The following CCNG2 variants were observed in gnomAD, a reference collection of about 807,000 sequenced individuals.
CCNG2 encodes cyclin G2, also known as cyclin-G2.
In CCNG2, 20 loss-of-function variants were observed where a neutral mutation model predicts 36.5. The ratio of observed to expected loss-of-function variants is 0.55; its 90% CI spans 0.39 to 0.80. CCNG2 has a LOEUF of 0.80. Among genes scored for constraint, CCNG2 ranks in the 30% least tolerant of loss-of-function variants. The pLI is 0.00. For synonymous variants in CCNG2, 155 were observed against 140.1 expected (o/e 1.11, Z -0.75); for missense variants, 358 against 390.8 (o/e 0.92, Z 0.71).
intron 6 of CCNG2, among the ~76,000 whole-genome samples, chr4:77,162,067 C>A (rs951253319): frequency 2.6e-5 from 4 of 152,162 alleles, no homozygotes; most frequent in African/African-American, 9.7e-5. Context: ...AGACTCAGAA[C>A]AAACACTAAT....
chr4:77,159,621 A>C (rs1437308258), intron 3 of CCNG2, 117 bp downstream of exon 3: 2 of 924,846 alleles, frequency 2.2e-6, no homozygotes, highest in Non-Finnish European at 3.1e-6. Flanking sequence ...ATAAAAATTT[A>C]TAATCAGAAT....
chr4:77,166,762 AT>A lies in CCNG2; in HGVS notation c.*839del, dbSNP rs1731643476. On this transcript the variant is annotated 3_prime_UTR_variant, in exon 8 of 8. Coordinates refer to ENST00000316355, the MANE Select transcript of CCNG2 (RefSeq NM_004354.3). ...TTATCGCATTTTCTTATATTAAAAA[AT>A]GTCTGCATGATTACATTTTATTTCC... 6.6e-6 allele frequency: 1 copy of A among 152,234 alleles called. No homozygotes were observed. The allele number at this position is 152,234 out of a possible 1,614,324, so 9.4% of individuals were successfully genotyped here. A position where few individuals can be genotyped will look rare whatever the true frequency, so the allele number is the denominator to read the frequency against.
At chr4:77,162,940 G>A (rs2109920292) in intron 6 of CCNG2, among the ~76,000 whole-genome samples, 1 of 152,040 alleles carries the variant, frequency 6.6e-6, no homozygotes, top group African/African-American at 2.4e-5. Flanking sequence ...TGGAAATGAG[G>A]CAAGGAGTCT....
chr4:77,158,741 G>C, intron 2 of CCNG2, 71 bp downstream of exon 2: 1 of 1,535,446 alleles, frequency 6.5e-7, no homozygotes, highest in East Asian at 2.3e-5. Flanking sequence ...CCCCGCCCCC[G>C]TTGAATCATG....
chr4:77,160,783 TGAA>T lies in CCNG2; in HGVS notation c.345_347del (p.Glu115del), dbSNP rs749760461. On this transcript the variant is annotated inframe_deletion, in exon 4 of 8. Transcript: ENST00000316355. ...CTTTTTTGCTGGCTGCTAGAATAGT[TGAA>T]GAAGACTGCAATATTCCATCCACTC... The T allele has an allele frequency of 1.2e-6, 2 of 1,614,008 alleles. No individual in the cohort carries two copies. Among genetic ancestry groups the T allele is most frequent in the Non-Finnish European group, 1.7e-6 (2 of 1,179,916 alleles).
At chr4:77,164,759 T>C (rs1731585069) in intron 7 of CCNG2, 2 of 245,986 alleles carry the variant, frequency 8.1e-6, no homozygotes, top group African/African-American at 4.5e-5. Context: ...TGGTCTTACA[T>C]ACTCCCAGGC....
chr4:77,157,216 A>T lies in CCNG2; in HGVS notation c.-291A>T, dbSNP rs1731276449. 6.6e-6 allele frequency: 1 copy of T among 152,204 alleles called. No individual in the cohort carries two copies. Among genetic ancestry groups the T allele is most frequent in the African/African-American group, 2.4e-5 (1 of 41,448 alleles). 9.4% of individuals were successfully genotyped at this position (152,204 alleles called of 1,614,324 possible). A position where few individuals can be genotyped will look rare whatever the true frequency, so the allele number is the denominator to read the frequency against. ...CCTTGGGGGCGTCGAAACTCTTAACAAAAACAAGGGGCTCGGGGAGGTTTC... is the reference window on the plus strand; with the variant it reads ...CCTTGGGGGCGTCGAAACTCTTAACTAAAACAAGGGGCTCGGGGAGGTTTC... On this transcript the variant is annotated 5_prime_UTR_variant, in exon 1 of 8. Transcript: ENST00000316355.
At chr4:77,163,144 A>G (rs1474815609) in intron 6 of CCNG2, among the ~76,000 whole-genome samples, 2 of 152,178 alleles carry the variant, frequency 1.3e-5, no homozygotes, top group Admixed American at 1.3e-4. Flanking sequence ...GGAATTTCTC[A>G]TGAAGAAGCA....
At chr4:77,160,263 A>G (rs1731392025) in intron 3 of CCNG2, among the ~76,000 whole-genome samples, 1 of 152,214 alleles carries the variant, frequency 6.6e-6, no homozygotes, top group Non-Finnish European at 1.5e-5. Context: ...AGTCTGAAAT[A>G]CAAATTATAC....
chr4:77,160,655 A>C, intron 3 of CCNG2, 66 bp from the exon 4 acceptor site: 2 of 1,498,346 alleles, frequency 1.3e-6, no homozygotes, highest in South Asian at 2.5e-5. Context: ...GCATCATTAC[A>C]ATATTCTAAG....
rs1467145291 is a variant in CCNG2, at chr4:77,158,374, G to T, written c.1-159G>T. 4 of 665,842 alleles carry T rather than the reference G, an allele frequency of 6.0e-6. No homozygotes were observed. The East Asian group carries it at 8.1e-5, about 13-fold the overall frequency. 41.2% of individuals were successfully genotyped at this position (665,842 alleles called of 1,614,324 possible). ...CACCTCCCTGGCCGTGGTGGGGATT[G>T]CCCTGGGGCTCTGGCGGACGTGACT... On this transcript the variant is annotated intron_variant, in intron 1 of 7. Coordinates refer to ENST00000316355, the MANE Select transcript of CCNG2 (RefSeq NM_004354.3).
At position 77,168,127 on chromosome 4, in the gene CCNG2, C is replaced by G. The variant is rs1213224554; in HGVS notation, c.*2203C>G. 2 of 152,208 alleles carry G rather than the reference C, an allele frequency of 1.3e-5. No individual in the cohort carries two copies. Among genetic ancestry groups the G allele is most frequent in the Non-Finnish European group, 2.9e-5 (2 of 68,046 alleles). The allele number at this position is 152,208 out of a possible 1,614,324, so 9.4% of individuals were successfully genotyped here. ...TGCCACTTGGAGGTTTCTGATTACT[C>G]CCAAACCTGCTGGTTCTTTATGTCT... On this transcript the variant is annotated 3_prime_UTR_variant, in exon 8 of 8. Transcript: ENST00000316355.
chr4:77,159,870 A>G (rs1233137400), intron 3 of CCNG2, among the ~76,000 whole-genome samples: 1 of 152,230 alleles, frequency 6.6e-6, no homozygotes, highest in East Asian at 1.9e-4. Flanking sequence ...CAAATGAAGT[A>G]TAACAGTTTA....
Position 77,159,500 on chromosome 4 carries a change from T to C in CCNG2, c.272T>C (p.Met91Thr), listed in dbSNP as rs1356519029. ...ATTTTGGACAGGTTCTTGGCTCTTA[T>C]GAAGGTATTTCATCATTTTTATAAA... ...VNILDRFLAL[M>T]KVKPKHLSCI... Residue 91 changes from methionine to threonine, a missense_variant, in exon 3 of 8, where the codon ATG becomes ACG. Physicochemically the swap from Met to Thr is moderately conservative, Grantham distance 81. Transcript: ENST00000316355. 1.9e-6 allele frequency: 3 copies of C among 1,611,514 alleles called. No homozygotes were observed. Among genetic ancestry groups the C allele is most frequent in the Non-Finnish European group, 2.5e-6 (3 of 1,179,228 alleles).
chr4:77,167,171 A>G lies in CCNG2; in HGVS notation c.*1247A>G, dbSNP rs910213394. 1 of 152,180 alleles carries G rather than the reference A, an allele frequency of 6.6e-6. No individual in the cohort carries two copies. The highest frequency in any genetic ancestry group is 2.4e-5 in the African/African-American group (1 of 41,454). 9.4% of individuals were successfully genotyped at this position (152,180 alleles called of 1,614,324 possible). The stretch of plus-strand genomic sequence containing the variant: ...CTGAAGTGGCTCTTTTTGAAGTGAT[A>G]ATAGATTGTAATTCAAAATAAAATT... On this transcript the variant is annotated 3_prime_UTR_variant, in exon 8 of 8. Transcript: ENST00000316355.
chr4:77,166,262 A>G lies in CCNG2; in HGVS notation c.*338A>G, dbSNP rs532650499. 129 of 163,074 alleles carry G rather than the reference A, an allele frequency of 7.9e-4. No individual in the cohort carries two copies. Among genetic ancestry groups the G allele is most frequent in the Non-Finnish European group, 1.5e-3 (110 of 74,796 alleles). The allele number at this position is 163,074 out of a possible 1,614,324, so 10.1% of individuals were successfully genotyped here. A position where few individuals can be genotyped will look rare whatever the true frequency, so the allele number is the denominator to read the frequency against. On this transcript the variant is annotated 3_prime_UTR_variant, in exon 8 of 8. Coordinates refer to ENST00000316355, the MANE Select transcript of CCNG2 (RefSeq NM_004354.3). ...ATAACTAGTGTAGCTTATCTTAAAC[A>G]TTTTATAAAACCTTCAGATGTCTTT... is the stretch of plus-strand genomic sequence containing the variant.
At chr4:77,160,345 A>T (rs2109916629) in intron 3 of CCNG2, among the ~76,000 whole-genome samples, 2 of 137,154 alleles carry the variant, frequency 1.5e-5, no homozygotes, top group Middle Eastern at 7.6e-3. Context: ...TACATAATTT[A>T]AAGGTTCAAA....
chr4:77,159,505 G>C lies in CCNG2; in HGVS notation c.276+1G>C, dbSNP rs1243499988. The C allele has an allele frequency of 1.2e-6, 2 of 1,609,136 alleles. No homozygotes were observed. Among genetic ancestry groups the C allele is most frequent in the Admixed American group, 3.4e-5 (2 of 59,028 alleles). On this transcript the variant is annotated splice_donor_variant, in intron 3 of 7. Coordinates refer to ENST00000316355, the MANE Select transcript of CCNG2 (RefSeq NM_004354.3). LOFTEE classifies it high-confidence loss of function. ...GGACAGGTTCTTGGCTCTTATGAAG[G>C]TATTTCATCATTTTTATAAATATGT...
chr4:77,159,591 T>A (rs1265785904), intron 3 of CCNG2, 87 bp downstream of exon 3: 51 of 1,271,826 alleles, frequency 4.0e-5, no homozygotes, highest in Non-Finnish European at 5.3e-5. Flanking sequence ...ATCGAATGGG[T>A]ATAATAACGT....
Sources: allele counts gnomAD v4.1 joint callset (sites outside exome capture counted in the v4.1 genomes callset), GRCh38; gene constraint gnomAD v4.1.1; transcripts MANE v1.5; gene names NCBI Gene and HGNC (gene_info 2026-07-23, HGNC 2026-07-21).